The following TTC39B variants were observed in gnomAD, a reference collection of about 807,000 sequenced individuals.
TTC39B encodes tetratricopeptide repeat protein 39B.
In TTC39B, 92 loss-of-function variants were observed where a neutral mutation model predicts 96.6. That is an observed-to-expected ratio of 0.95 (90% confidence interval 0.80 to 1.13). TTC39B has a LOEUF of 1.13. Ranked by LOEUF, TTC39B falls within the 50% of genes most tolerant of loss-of-function variation. The pLI is 0.00. For synonymous variants in TTC39B, 367 were observed against 299.4 expected, an observed-to-expected ratio of 1.23 and a Z score of -2.33; for missense variants, 955 against 809.3, an observed-to-expected ratio of 1.18 and a Z score of -2.18.
chr9:15,227,890 T>G (rs1821212089), intron 2 of TTC39B, among the ~76,000 whole-genome samples: 1 of 152,220 alleles, frequency 6.6e-6, no homozygotes, highest in African/African-American at 2.4e-5. Context: ...CATTCCTGAT[T>G]TTGAGGGCAT....
intron 9 of TTC39B, 86 bp downstream of exon 9, chr9:15,192,504 G>A: frequency 9.8e-7 from 1 of 1,022,816 alleles, no homozygotes. Context: ...AAAGGTTCAG[G>A]ATGAGGTTCA....
At chr9:15,173,699 CA>C (rs1042218378) in intron 19 of TTC39B, among the ~76,000 whole-genome samples, 2 of 152,152 alleles carry the variant, frequency 1.3e-5, no homozygotes, top group African/African-American at 4.8e-5. Flanking sequence ...AAAATGACTT[CA>C]TCACACGCCA....
rs540469456 is a variant in TTC39B, at chr9:15,278,246, T to G, written c.241-10298A>C. ...GTCAATCTTAACATTGAACAAATAC[T>G]TTAAGTTGCCATTATCATAGAATAC... On this transcript the variant is annotated intron_variant, in intron 1 of 19. Coordinates refer to ENST00000512701, the Ensembl canonical transcript of TTC39B. 1.1e-4 allele frequency among the ~76,000 whole-genome samples: 16 copies of G among 152,300 alleles called. No individual in the cohort carries two copies. In the South Asian group the frequency reaches 1.2e-3, roughly 12 times the overall value.
At chr9:15,294,962 T>A (rs973809738) in intron 1 of TTC39B, among the ~76,000 whole-genome samples, 1 of 152,212 alleles carries the variant, frequency 6.6e-6, no homozygotes. Context: ...AGGTTATACA[T>A]GGAGGAGCAG....
intron 6 of TTC39B, among the ~76,000 whole-genome samples, chr9:15,207,277 G>C (rs777310510): frequency 4.6e-5 from 7 of 152,168 alleles, no homozygotes; most frequent in Non-Finnish European, 8.8e-5. Flanking sequence ...TGGGATTACA[G>C]GCACAAGCCA....
chr9:15,248,405 T>C (rs751493548), intron 2 of TTC39B, among the ~76,000 whole-genome samples: 1 of 152,020 alleles, frequency 6.6e-6, no homozygotes, highest in Non-Finnish European at 1.5e-5. Flanking sequence ...TATTTATATG[T>C]CCTATATGTT....
rs1326001312 is a variant in TTC39B at position 15,306,201 on chromosome 9, G to T, written c.240+883C>A. Among the ~76,000 whole-genome samples the T allele has an allele frequency of 1.3e-5, 2 of 152,184 alleles. No individual in the cohort carries two copies. The highest frequency in any genetic ancestry group is 4.8e-5 in the African/African-American group (2 of 41,450). ...TAAGATGGCAGGAACAGCAGCTGTG[G>T]GTGCTGGCTGCTGCTGGAGCCTCGG... On this transcript the variant is annotated intron_variant, in intron 1 of 19. Coordinates refer to ENST00000512701, the Ensembl canonical transcript of TTC39B. The surrounding 1 kb of genome is among the most constrained non-coding windows in gnomAD (Gnocchi z 5.1).
exon 20 of TTC39B, chr9:15,166,545 T>G (rs987830366): frequency 6.6e-6 from 1 of 152,220 alleles, no homozygotes; most frequent in Non-Finnish European, 1.5e-5. Flanking sequence ...CAAGATCAGA[T>G]AGCAGCTGCT....
chr9:15,283,187 C>T (rs113587099), intron 1 of TTC39B, among the ~76,000 whole-genome samples: 61 of 152,194 alleles, frequency 4.0e-4, no homozygotes, highest in African/African-American at 1.4e-3. Context: ...CAGGAATACA[C>T]TAATGTGTTT....
intron 1 of TTC39B, among the ~76,000 whole-genome samples, chr9:15,298,415 G>T (rs1252769358): frequency 1.3e-5 from 2 of 152,200 alleles, no homozygotes; most frequent in Non-Finnish European, 2.9e-5. Flanking sequence ...TAAAGAAAAA[G>T]AGGTTTAATG....
intron 17 of TTC39B, among the ~76,000 whole-genome samples, chr9:15,181,831 G>C (rs1335051899): frequency 6.6e-6 from 1 of 152,084 alleles, no homozygotes; most frequent in Non-Finnish European, 1.5e-5. Flanking sequence ...TTAAGATACA[G>C]TTCACATGCC....
chr9:15,268,031 C>T (rs758168531), intron 1 of TTC39B, 83 bp from the exon 2 acceptor site: 15 of 1,282,290 alleles, frequency 1.2e-5, no homozygotes, highest in East Asian at 9.3e-5. Context: ...AATGAATACA[C>T]GCATTGGGGA....
At chr9:15,272,371 C>G (rs1205857360) in intron 1 of TTC39B, among the ~76,000 whole-genome samples, 1 of 152,176 alleles carries the variant, frequency 6.6e-6, no homozygotes, top group Middle Eastern at 3.2e-3. Flanking sequence ...GTGGGCTCAC[C>G]GTGTGCCCTC....
At chr9:15,201,707 T>A (rs530028234) in intron 7 of TTC39B, among the ~76,000 whole-genome samples, 20 of 152,332 alleles carry the variant, frequency 1.3e-4, no homozygotes, top group South Asian at 8.3e-4. Context: ...CCAGCCATGC[T>A]ACTCAAGTAT....
intron 2 of TTC39B, among the ~76,000 whole-genome samples, chr9:15,241,787 G>A (rs1822053085): frequency 1.4e-5 from 2 of 143,012 alleles, no homozygotes; most frequent in Non-Finnish European, 3.0e-5. Flanking sequence ...CTGTCACCCA[G>A]GCTGGAGTGC....
At position 15,199,734 on chromosome 9, in the gene TTC39B, CAAAAAAAAAAAAAAAAAAAA is replaced by C. The variant is rs35361396; in HGVS notation, c.824+107_824+126del. On this transcript the variant is annotated intron_variant, in intron 8 of 19. Transcript: ENST00000512701. The stretch of plus-strand genomic sequence containing the variant: ...TGGGTGACAGAGTGAGACTCCGTCT[CAAAAAAAAAAAAAAAAAAAA>C]AAAAAAAAAAAAAATCCTAGTCAAA... 51 of 70,692 alleles carry C rather than the reference CAAAAAAAAAAAAAAAAAAAA, an allele frequency of 7.2e-4. 2 individuals carry two copies. Among genetic ancestry groups the C allele is most frequent in the Admixed American group, 4.5e-3 (9 of 1,998 alleles). 4.4% of individuals were successfully genotyped at this position (70,692 alleles called of 1,614,324 possible). A position where few individuals can be genotyped will look rare whatever the true frequency, so the allele number is the denominator to read the frequency against.
intron 2 of TTC39B, among the ~76,000 whole-genome samples, chr9:15,227,768 C>G (rs1461887470): frequency 1.3e-5 from 2 of 152,144 alleles, no homozygotes; most frequent in Non-Finnish European, 2.9e-5. Flanking sequence ...AACACACAGT[C>G]TCTGAAATGT....
rs35565797 is a variant in TTC39B at position 15,194,405 on chromosome 9, C to G, written c.825-1710G>C. 4.0e-3 allele frequency among the ~76,000 whole-genome samples: 613 copies of G among 152,220 alleles called. 1 individual carries two copies. Among genetic ancestry groups the G allele is most frequent in the Non-Finnish European group, 7.0e-3 (479 of 68,020 alleles). Reference sequence around the variant, plus strand: ...TCTTCACTGTTTTGAAAGGGCCTATCTATATAAAGGAATTTAGTATATTTT... The same window carrying G: ...TCTTCACTGTTTTGAAAGGGCCTATGTATATAAAGGAATTTAGTATATTTT... On this transcript the variant is annotated intron_variant, in intron 8 of 19. Coordinates refer to ENST00000512701, the Ensembl canonical transcript of TTC39B.
chr9:15,238,184 T>C (rs546394864), intron 2 of TTC39B, among the ~76,000 whole-genome samples: 1 of 152,266 alleles, frequency 6.6e-6, no homozygotes, highest in Non-Finnish European at 1.5e-5. Context: ...GTTGAAACAT[T>C]TCCCCTAAGG....
Sources: gnomAD v4.1 joint callset for allele counts (sites outside exome capture counted in the v4.1 genomes callset) on GRCh38, gnomAD v4.1.1 for gene constraint, Gnocchi (gnomAD v3.1) non-coding constraint, MANE v1.5 for transcripts, NCBI Gene and HGNC (gene_info 2026-07-23, HGNC 2026-07-21) for gene names.